Variants in SSPN observed in about 807,000 individuals in gnomAD.
The protein encoded by SSPN is K-ras oncogene-associated protein.
SSPN carries 15 observed loss-of-function variants against 19.1 expected under a neutral mutation model. That is an observed-to-expected ratio of 0.78 (90% CI 0.52 to 1.21). SSPN has a LOEUF of 1.21. Ranked by LOEUF, SSPN falls within the 50% of genes most tolerant of loss-of-function variation. SSPN has a pLI of 0.00. For missense variants in SSPN, 291 were observed against 314.0 expected (o/e 0.93, Z 0.55); for synonymous variants, 147 against 140.3 (o/e 1.05, Z -0.34).
At chr12:26,182,617 CCCTTCCCTTCCCTTCCCTTCCCTTCCCTT>C (rs1944726645) in intron 1 of SSPN, among the ~76,000 whole-genome samples, 3 of 134,576 alleles carry the variant, frequency 2.2e-5, no homozygotes, top group Admixed American at 7.6e-5. Flanking sequence ...CCCTTCCCTT[CCCTTCCCTTCCCTTCCCTTCCCTTCCCTT>C]CCCTCCCCTC....
At position 26,195,842 on chromosome 12, in the gene SSPN, C is replaced by G. The variant is rs1171826673; in HGVS notation, c.170C>G (p.Ala57Gly). Residue 57 changes from alanine to glycine, a missense_variant, in exon 1 of 3, where the codon GCC becomes GGC. By Grantham distance (60) the Ala-to-Gly change is moderately conservative. Transcript: ENST00000242729. ...GGCTGCCGGTTCCCGCTGCTGCTCGCCCTGCTGCAGCTGGCCCTGGGCATC... is the reference window on the plus strand; with the variant it reads ...GGCTGCCGGTTCCCGCTGCTGCTCGGCCTGCTGCAGCTGGCCCTGGGCATC... ...CCGCRFPLLL[A>G]LLQLALGIAV... 3 of 1,545,096 alleles carry G rather than the reference C, an allele frequency of 1.9e-6. No homozygotes were observed. The highest frequency in any genetic ancestry group is 2.6e-6 in the Non-Finnish European group (3 of 1,149,868).
chr12:26,125,694 G>A (rs548196317), intron 1 of SSPN: 1 of 152,088 alleles, frequency 6.6e-6, no homozygotes, highest in South Asian at 2.1e-4. Flanking sequence ...CGCAGCAGCC[G>A]GAATTGCGGT....
intron 1 of SSPN, among the ~76,000 whole-genome samples, chr12:26,202,089 T>C (rs1944890858): frequency 6.6e-6 from 1 of 152,206 alleles, no homozygotes; most frequent in Non-Finnish European, 1.5e-5. Flanking sequence ...AAATCATTTC[T>C]AGATTACTTA....
At chr12:26,213,320 T>A (rs1486414486) in intron 1 of SSPN, among the ~76,000 whole-genome samples, 1 of 152,294 alleles carries the variant, frequency 6.6e-6, no homozygotes, top group South Asian at 2.1e-4. Flanking sequence ...TTGCAAACTA[T>A]GTTAACATTG....
chr12:26,229,244 T>C (rs1040398028), intron 2 of SSPN, among the ~76,000 whole-genome samples: 1 of 151,256 alleles, frequency 6.6e-6, no homozygotes, highest in African/African-American at 2.5e-5. Flanking sequence ...AAGAAAAAAA[T>C]GGCTTTAACT....
At chr12:26,146,013 T>C (rs1214645845) in intron 1 of SSPN, among the ~76,000 whole-genome samples, 1 of 152,186 alleles carries the variant, frequency 6.6e-6, no homozygotes, top group Non-Finnish European at 1.5e-5. Flanking sequence ...GACATTGACC[T>C]TTTGCTGTCC....
chr12:26,179,456 T>G (rs1025660409), intron 1 of SSPN, among the ~76,000 whole-genome samples: 7 of 151,772 alleles, frequency 4.6e-5, no homozygotes, highest in African/African-American at 1.7e-4. Flanking sequence ...GAAGGGGGAG[T>G]AGGGGTCACG....
chr12:26,174,748 T>G (rs1278033208), intron 1 of SSPN, among the ~76,000 whole-genome samples: 1 of 152,142 alleles, frequency 6.6e-6, no homozygotes, highest in Admixed American at 6.5e-5. Context: ...TTCGAACTCC[T>G]GATCTCAGGT....
intron 1 of SSPN, among the ~76,000 whole-genome samples, chr12:26,175,817 G>A (rs1261008770): frequency 3.4e-5 from 5 of 145,242 alleles, no homozygotes; most frequent in Admixed American, 7.2e-5. Context: ...ATTCAATTCC[G>A]AGTATAAAAA....
intron 1 of SSPN, among the ~76,000 whole-genome samples, chr12:26,163,061 A>ATG (rs1209466155): frequency 6.0e-4 from 30 of 50,336 alleles, no homozygotes; most frequent in Non-Finnish European, 5.7e-4. Flanking sequence ...GTGTGTGTGT[A>ATG]TGTGTGTGTG....
intron 1 of SSPN, among the ~76,000 whole-genome samples, chr12:26,213,673 T>C (rs1945016329): frequency 1.3e-5 from 2 of 152,204 alleles, no homozygotes. Flanking sequence ...ACATCTACTT[T>C]TTTTTAAAGG....
At chr12:26,123,773 G>T in intron 1 of SSPN, 1 of 1,444,984 alleles carries the variant, frequency 6.9e-7, no homozygotes. Context: ...ACGGGCACTT[G>T]GTTACTTAAA....
Position 26,200,812 on chromosome 12 carries a change from T to C in SSPN, c.279+4861T>C, listed in dbSNP as rs1035836432. On this transcript the variant is annotated intron_variant, in intron 1 of 2. Transcript: ENST00000242729. ...TATAATGTCGCATCCCTGGTATCCC[T>C]GGGAAATAATTTTTATTATGGCAAC... Among the ~76,000 whole-genome samples, 6 of 151,724 alleles carry C rather than the reference T, an allele frequency of 4.0e-5. No homozygotes were observed. The South Asian group carries it at 1.2e-3, about 32-fold the overall frequency.
chr12:26,178,705 T>A (rs1944700087), intron 1 of SSPN, among the ~76,000 whole-genome samples: 1 of 152,192 alleles, frequency 6.6e-6, no homozygotes, highest in Admixed American at 6.5e-5. Context: ...CACAAGAAGC[T>A]TGGATATGCC....
intron 2 of SSPN, among the ~76,000 whole-genome samples, chr12:26,225,271 G>T (rs539456695): frequency 6.6e-6 from 1 of 152,036 alleles, no homozygotes; most frequent in Non-Finnish European, 1.5e-5. Context: ...AAAAAATAAG[G>T]TGTGTTGGAA....
Position 26,122,485 on chromosome 12 carries a change from C to A in SSPN, c.-31+333C>A, listed in dbSNP as rs980118820. 7.5e-7 allele frequency: 1 copy of A among 1,331,454 alleles called. No individual in the cohort carries two copies. The highest frequency in any genetic ancestry group is 2.8e-5 in the Admixed American group (1 of 35,428). The allele number at this position is 1,331,454 out of a possible 1,614,324, so 82.5% of individuals were successfully genotyped here. The stretch of plus-strand genomic sequence containing the variant: ...CAGAAGGGCAGGCAGAAGGGGGCCG[C>A]GGCGGCCGCGGGCTGCGGGAAGGGC... On this transcript the variant is annotated intron_variant, in intron 1 of 2. Coordinates refer to the SSPN transcript ENST00000538142.
intron 1 of SSPN, among the ~76,000 whole-genome samples, chr12:26,151,731 A>G (rs1043445538): frequency 1.3e-5 from 2 of 152,150 alleles, no homozygotes; most frequent in Admixed American, 6.5e-5. Context: ...ATCTAGTACA[A>G]ATTTTTTGTA....
chr12:26,171,154 C>T (rs1565677458), intron 1 of SSPN, among the ~76,000 whole-genome samples: 1 of 152,152 alleles, frequency 6.6e-6, no homozygotes, highest in Non-Finnish European at 1.5e-5. Context: ...ACAGAGGTCA[C>T]TTTTAGCCTG....
At chr12:26,190,739 C>G (rs1944782263), upstream of SSPN, among the ~76,000 whole-genome samples, 1 of 152,112 alleles carries the variant, frequency 6.6e-6, no homozygotes, top group Non-Finnish European at 1.5e-5. Flanking sequence ...CATCCAGTGA[C>G]TCCCTGTATT....
Sources: gnomAD v4.1 joint callset for allele counts (sites outside exome capture counted in the v4.1 genomes callset) on GRCh38, gnomAD v4.1.1 for gene constraint, MANE v1.5 for transcripts, NCBI Gene and HGNC (gene_info 2026-07-23, HGNC 2026-07-21) for gene names.